Variants in SLC18A1 observed in about 807,000 individuals in gnomAD.
SLC18A1 encodes solute carrier family 18 member A1.
In SLC18A1, 69 loss-of-function variants were observed where a neutral mutation model predicts 53.7. The ratio of observed to expected loss-of-function variants is 1.28; its 90% CI spans 1.06 to 1.57. SLC18A1 has a LOEUF of 1.57. Among genes scored for constraint, SLC18A1 ranks in the 40% most tolerant of loss-of-function variants. The pLI is 0.00. For synonymous variants in SLC18A1, 320 were observed against 248.1 expected (o/e 1.29, Z -2.72); for missense variants, 932 against 668.1 (o/e 1.40, Z -4.35).
intron 8 of SLC18A1, among the ~76,000 whole-genome samples, chr8:20,170,778 T>A (rs2072093647): frequency 6.6e-6 from 1 of 151,628 alleles, no homozygotes; most frequent in Non-Finnish European, 1.5e-5. Context: ...TATATATATA[T>A]GGAGATCTCC....
In SLC18A1 at chr8:20,171,058, G is replaced by C. The variant is rs375576909; in HGVS notation, c.858+45C>G. The C allele has an allele frequency of 8.1e-6, 13 of 1,595,686 alleles. No individual in the cohort carries two copies. The African/African-American group carries it at 9.4e-5, about 12-fold the overall frequency. Reference sequence around the variant, plus strand: ...AGGCATGCCTGGGTTCCTGCATTCAGCCATCCTGTATAACTGTTAGAAATG... The same window carrying C: ...AGGCATGCCTGGGTTCCTGCATTCACCCATCCTGTATAACTGTTAGAAATG... On this transcript the variant is annotated intron_variant, in intron 8 of 15. Coordinates refer to ENST00000276373, the MANE Select transcript of SLC18A1 (RefSeq NM_003053.4).
chr8:20,146,913 C>G (rs1384284166), intron 15 of SLC18A1, among the ~76,000 whole-genome samples: 1 of 151,652 alleles, frequency 6.6e-6, no homozygotes, highest in Non-Finnish European at 1.5e-5. Context: ...ATTCTGCCCA[C>G]TTATGAGGGA....
intron 10 of SLC18A1, among the ~76,000 whole-genome samples, chr8:20,158,849 A>G (rs2071746035): frequency 6.6e-6 from 1 of 152,084 alleles, no homozygotes; most frequent in African/African-American, 2.4e-5. Flanking sequence ...ACATCCCTGT[A>G]CATCCTGACT....
rs751635329 is a variant in SLC18A1, at chr8:20,164,896, T to C, written c.988A>G (p.Thr330Ala). The C allele has an allele frequency of 1.2e-6, 2 of 1,613,266 alleles. No individual in the cohort carries two copies. The highest frequency in any genetic ancestry group is 2.2e-5 in the South Asian group (2 of 91,036). The change falls in exon 10 of 16, where the codon ACC (threonine) becomes GCC (alanine). Residue 330 changes from threonine to alanine, a missense_variant. Coordinates refer to ENST00000276373, the MANE Select transcript of SLC18A1 (RefSeq NM_003053.4). The part of the protein sequence containing the change: ...EPTLPIWMMQ[T>A]MCSPKWQLGL... ...AGCTGCCACTTGGGGGAGCACATGG[T>C]CTGCATCATCCAGATGGGCAGTGTG...
intron 8 of SLC18A1, among the ~76,000 whole-genome samples, chr8:20,167,488 G>A (rs1352766221): frequency 6.6e-6 from 1 of 152,080 alleles, no homozygotes; most frequent in African/African-American, 2.4e-5. Context: ...AAAATCCCGT[G>A]GAGTTGGGCT....
intron 6 of SLC18A1, among the ~76,000 whole-genome samples, chr8:20,172,534 G>A (rs6992927): frequency 0.77 from 117,536 of 152,052 alleles, 46,187 homozygotes; most frequent in African/African-American, 0.91. Context: ...AGAAAGGGTA[G>A]TTTTATCGTT....
In SLC18A1 at chr8:20,171,447, C is replaced by A; in HGVS notation, c.772G>T (p.Ala258Ser). The A allele has an allele frequency of 6.2e-7, 1 of 1,614,154 alleles. No individual in the cohort carries two copies. The highest frequency in any genetic ancestry group is 1.3e-5 in the African/African-American group (1 of 75,032). Reference protein sequence around the residue: ...SVMYEFVGKSAPFLILAFLAL... With the variant: ...SVMYEFVGKSSPFLILAFLAL... ...AGGAAGGCCAGGATGAGGAAGGGTG[C>A]AGACTTCCCAACAAACTCGTACATT... The change falls in exon 7 of 16, where the codon GCA becomes TCA. Residue 258 changes from alanine to serine, a missense_variant. Ala to Ser is a moderately conservative substitution (Grantham distance 99, BLOSUM62 1). Coordinates refer to ENST00000276373, the MANE Select transcript of SLC18A1 (RefSeq NM_003053.4).
chr8:20,173,086 C>T lies in SLC18A1; in HGVS notation c.674G>A (p.Arg225Lys), dbSNP rs757151657. Residue 225 changes from arginine (R) to lysine (K), a missense_variant, in exon 6 of 16, where the codon AGA (arginine) becomes AAA (lysine). By Grantham distance (26) the Arg-to-Lys change is conservative. Transcript: ENST00000276373. ...CAGAGCAGTTCCCATGGCTCGTCCT[C>T]TCTCATGGTCATCAGTGTAGACACT... Reference protein sequence around the residue: ...LASVYTDDHERGRAMGTALGG... With the variant: ...LASVYTDDHEKGRAMGTALGG... The T allele has an allele frequency of 2.7e-5, 43 of 1,582,894 alleles. No individual in the cohort carries two copies. Among genetic ancestry groups the T allele is most frequent in the Non-Finnish European group, 3.0e-5 (35 of 1,165,436 alleles).
chr8:20,174,546 G>T, intron 4 of SLC18A1, 102 bp from the exon 5 acceptor site: 1 of 735,216 alleles, frequency 1.4e-6, no homozygotes, highest in Non-Finnish European at 2.5e-6. Context: ...GAGTCTTGAT[G>T]CATATGTTTT....
intron 14 of SLC18A1, 57 bp from the exon 15 acceptor site, chr8:20,147,448 T>G: frequency 6.3e-7 from 1 of 1,581,370 alleles, no homozygotes; most frequent in Non-Finnish European, 8.6e-7. Context: ...TGGAGCATCC[T>G]CCACGTAGGA....
At chr8:20,146,154 A>C (rs1256181641) in intron 15 of SLC18A1, among the ~76,000 whole-genome samples, 1 of 152,078 alleles carries the variant, frequency 6.6e-6, no homozygotes, top group Non-Finnish European at 1.5e-5. Context: ...TGACCTCGTG[A>C]TGCGCCCGCC....
At chr8:20,152,278 A>C (rs768742116) in intron 10 of SLC18A1, among the ~76,000 whole-genome samples, 3 of 152,236 alleles carry the variant, frequency 2.0e-5, no homozygotes, top group Admixed American at 6.5e-5. Context: ...TGGTTATTCC[A>C]AGGGCAATGG....
chr8:20,147,769 T>C, intron 13 of SLC18A1, 47 bp from the exon 14 acceptor site: 1 of 1,590,590 alleles, frequency 6.3e-7, no homozygotes, highest in South Asian at 1.1e-5. Context: ...CCACAGTTAG[T>C]ACCACCCCGC....
intron 12 of SLC18A1, among the ~76,000 whole-genome samples, chr8:20,149,402 A>G (rs988774825): frequency 6.6e-6 from 1 of 152,016 alleles, no homozygotes; most frequent in African/African-American, 2.4e-5. Flanking sequence ...CAGCTGCCCT[A>G]CAGCCCTCTT....
In SLC18A1 at chr8:20,164,939, C is replaced by G. The variant is rs764957602; in HGVS notation, c.945G>C (p.Gly315=). 1.2e-6 allele frequency: 2 copies of G among 1,613,876 alleles called. No individual in the cohort carries two copies. The highest frequency in any genetic ancestry group is 1.7e-5 in the Admixed American group (1 of 60,002). The change falls in exon 10 of 16, where the codon GGG becomes GGC. Residue 315 remains glycine (G), a synonymous_variant. Transcript: ENST00000276373. ...AAGSICFANM[G]VAILEPTLPI... ...GCAGTGTGGGCTCCAGGATGGCCACCCCCATGTTGGCAAAGCAGATGGACC... is the reference window on the plus strand; with the variant it reads ...GCAGTGTGGGCTCCAGGATGGCCACGCCCATGTTGGCAAAGCAGATGGACC...
rs191117885 is a variant in SLC18A1, at chr8:20,169,514, C to T, written c.858+1589G>A. Among the ~76,000 whole-genome samples, 20 of 152,090 alleles carry T rather than the reference C, an allele frequency of 1.3e-4. No homozygotes were observed. The East Asian group carries it at 3.9e-3, about 29-fold the overall frequency. On this transcript the variant is annotated intron_variant, in intron 8 of 15. Coordinates refer to ENST00000276373, the MANE Select transcript of SLC18A1 (RefSeq NM_003053.4). ...TCTAAAGTATCAAGGGGTAAGGGAA[C>T]GATACAATCAATCTACTGTCAACTG...
chr8:20,157,497 A>C (rs1360214873), intron 10 of SLC18A1, among the ~76,000 whole-genome samples: 2 of 152,162 alleles, frequency 1.3e-5, no homozygotes, highest in Non-Finnish European at 2.9e-5. Flanking sequence ...AGAAGGACTA[A>C]GGAAAACTAG....
chr8:20,147,755 C>T, intron 13 of SLC18A1, 33 bp from the exon 14 acceptor site: 1 of 1,605,960 alleles, frequency 6.2e-7, no homozygotes, highest in Non-Finnish European at 8.5e-7. Flanking sequence ...ACAGTCAGCC[C>T]CACCCACAGT....
At position 20,147,590 on chromosome 8, in the gene SLC18A1, C is replaced by T; in HGVS notation, c.1330+13G>A. 6.2e-7 allele frequency: 1 copy of T among 1,613,914 alleles called. No homozygotes were observed. Among genetic ancestry groups the T allele is most frequent in the South Asian group, 1.1e-5 (1 of 91,054 alleles). ...GACAGGGGAAAGTGGGGCACCAGGT[C>T]CTGCCAACATACCTATAGCAAAGCC... On this transcript the variant is annotated intron_variant, in intron 14 of 15. Transcript: ENST00000276373.
Sources: gnomAD v4.1 joint callset for allele counts (sites outside exome capture counted in the v4.1 genomes callset) on GRCh38, gnomAD v4.1.1 for gene constraint, MANE v1.5 for transcripts, NCBI Gene and HGNC (gene_info 2026-07-23, HGNC 2026-07-21) for gene names.